The following ZNRF3 variants were observed in gnomAD, a reference collection of about 807,000 sequenced individuals.
ZNRF3 encodes E3 ubiquitin-protein ligase ZNRF3.
A neutral mutation model predicts 72.5 loss-of-function variants in ZNRF3; 23 were observed. That is an observed-to-expected ratio of 0.32 (90% CI 0.23 to 0.45). The LOEUF (loss-of-function observed/expected upper bound fraction) is 0.45, where lower values mean the gene tolerates loss of function less well. Among genes scored for constraint, ZNRF3 ranks in the 20% least tolerant of loss-of-function variants. ZNRF3 has a pLI of 1.00. For synonymous variants in ZNRF3, 610 were observed against 545.3 expected (o/e 1.12, Z -1.65); for missense variants, 1,169 against 1,272.1 (o/e 0.92, Z 1.23).
rs1479399801 is a variant in ZNRF3 at position 29,055,065 on chromosome 22, G to A, written c.*1443G>A. On this transcript the variant is annotated 3_prime_UTR_variant, in exon 9 of 9. Coordinates refer to ENST00000544604, the MANE Select transcript of ZNRF3 (RefSeq NM_001206998.2). ...TCCAGCCTTTTTTATTAAGGGGAAG[G>A]GGAGAGTTTAAAAACCCAAACCGTT... is the stretch of plus-strand genomic sequence containing the variant. 1 of 152,722 alleles carries A rather than the reference G, an allele frequency of 6.5e-6. No individual in the cohort carries two copies. Among genetic ancestry groups the A allele is most frequent in the Non-Finnish European group, 1.5e-5 (1 of 68,060 alleles). The allele number at this position is 152,722 out of a possible 1,614,324, so 9.5% of individuals were successfully genotyped here.
At chr22:28,963,791 C>G (rs2035409072) in intron 1 of ZNRF3, among the ~76,000 whole-genome samples, 1 of 152,104 alleles carries the variant, frequency 6.6e-6, no homozygotes, top group Non-Finnish European at 1.5e-5. Flanking sequence ...AGTTGCTGCT[C>G]AAAGAAGAGT....
At chr22:28,986,732 T>TA in intron 1 of ZNRF3, 1 of 802,294 alleles carries the variant, frequency 1.2e-6, no homozygotes, top group Non-Finnish European at 1.5e-6. Context: ...TACTTAGTGT[T>TA]AAATTTATGG....
At chr22:29,037,503 AG>A in intron 2 of ZNRF3, among the ~76,000 whole-genome samples, 1 of 152,338 alleles carries the variant, frequency 6.6e-6, no homozygotes, top group Non-Finnish European at 1.5e-5. Context: ...GTATGGTACC[AG>A]GCAAGCTTGC....
intron 1 of ZNRF3, among the ~76,000 whole-genome samples, chr22:28,972,372 A>G (rs1478454307): frequency 6.6e-6 from 1 of 152,210 alleles, no homozygotes; most frequent in Non-Finnish European, 1.5e-5. Flanking sequence ...TAAGATGTGG[A>G]CTTTTGTGAC....
chr22:29,042,412 G>T (rs1289105908), intron 2 of ZNRF3, 83 bp from the exon 3 acceptor site: 4 of 1,144,572 alleles, frequency 3.5e-6, no homozygotes, highest in Non-Finnish European at 2.6e-6. Context: ...TTCTGCATTT[G>T]ATTACAGGCC....
chr22:28,999,891 G>A (rs16986946), intron 2 of ZNRF3, among the ~76,000 whole-genome samples: 3,282 of 152,300 alleles, frequency 0.022, 124 homozygotes, highest in African/African-American at 0.076. Flanking sequence ...AAAGGGGACG[G>A]CAGAGAAAGC....
At chr22:28,899,321 A>C (rs1169754546) in intron 1 of ZNRF3, among the ~76,000 whole-genome samples, 1 of 152,194 alleles carries the variant, frequency 6.6e-6, no homozygotes, top group Non-Finnish European at 1.5e-5. Flanking sequence ...GTAAGTTTTC[A>C]CATTTAATGA....
chr22:28,891,544 A>G (rs1341517922), intron 1 of ZNRF3, among the ~76,000 whole-genome samples: 1 of 152,266 alleles, frequency 6.6e-6, no homozygotes, highest in Non-Finnish European at 1.5e-5. Flanking sequence ...TTTAACAGAC[A>G]AGGTAGATGG....
At chr22:28,998,600 C>T (rs970564690) in intron 2 of ZNRF3, among the ~76,000 whole-genome samples, 4 of 152,158 alleles carry the variant, frequency 2.6e-5, no homozygotes, top group African/African-American at 9.7e-5. Context: ...AAGTTTTCTT[C>T]TAAGGTCATA....
rs2037117793 is a variant in ZNRF3, at chr22:29,048,527, C to CA, written c.1015+38dup. ...CCCGCCTTAGCCATTGCTGAAGAGT[C>CA]AAGTGCCTAGCTAGAGTGTGACACA... On this transcript the variant is annotated intron_variant, in intron 7 of 8. Coordinates refer to ENST00000544604, the MANE Select transcript of ZNRF3 (RefSeq NM_001206998.2). The surrounding 1 kb of genome is among the most constrained non-coding windows in gnomAD (Gnocchi z 4.9). 6.3e-7 allele frequency: 1 copy of CA among 1,596,700 alleles called. No homozygotes were observed. Among genetic ancestry groups the CA allele is most frequent in the Non-Finnish European group, 8.6e-7 (1 of 1,164,390 alleles).
At chr22:28,920,145 TG>T (rs2034484266) in intron 1 of ZNRF3, among the ~76,000 whole-genome samples, 1 of 152,000 alleles carries the variant, frequency 6.6e-6, no homozygotes, top group South Asian at 2.1e-4. Context: ...ATTTTTTTTT[TG>T]GTAGAAACGG....
At chr22:28,923,015 A>G (rs933006516) in intron 1 of ZNRF3, among the ~76,000 whole-genome samples, 2 of 152,136 alleles carry the variant, frequency 1.3e-5, no homozygotes, top group African/African-American at 4.8e-5. Flanking sequence ...GCCTTGTGAC[A>G]TAGCCCCAGG....
At chr22:28,945,286 T>C (rs2035033400) in intron 1 of ZNRF3, among the ~76,000 whole-genome samples, 2 of 152,230 alleles carry the variant, frequency 1.3e-5, no homozygotes, top group Non-Finnish European at 2.9e-5. Context: ...TTTTTGTTCT[T>C]ATAGTAGAGT....
Position 28,996,627 on chromosome 22 carries a change from A to G in ZNRF3, c.426+9426A>G, listed in dbSNP as rs80148209. On this transcript the variant is annotated intron_variant, in intron 2 of 8. Transcript: ENST00000544604. ...AAACTAGAGGACAATACAGGGAGTAAAGGTGAACTATTCTGTTCTGCAGTA... is the reference window on the plus strand; with the variant it reads ...AAACTAGAGGACAATACAGGGAGTAGAGGTGAACTATTCTGTTCTGCAGTA... Among the ~76,000 whole-genome samples the G allele has an allele frequency of 7.2e-3, 1,104 of 152,322 alleles. 17 individuals are homozygous for G. The highest frequency in any genetic ancestry group is 0.026 in the African/African-American group (1,064 of 41,576).
chr22:28,936,996 A>T (rs1464021965), intron 1 of ZNRF3, among the ~76,000 whole-genome samples: 3 of 151,892 alleles, frequency 2.0e-5, no homozygotes, highest in African/African-American at 7.3e-5. Context: ...CACCTCATTC[A>T]TCTGAGCTGC....
chr22:28,998,128 G>A (rs772805624), intron 2 of ZNRF3, among the ~76,000 whole-genome samples: 20 of 151,290 alleles, frequency 1.3e-4, no homozygotes, highest in Admixed American at 3.3e-4. Flanking sequence ...GTGAAATCTC[G>A]TCTCTAGTAA....
At chr22:29,040,186 C>G (rs566223294) in intron 2 of ZNRF3, among the ~76,000 whole-genome samples, 81 of 145,920 alleles carry the variant, frequency 5.6e-4, no homozygotes, top group Middle Eastern at 3.5e-3. Context: ...CCCCCTCCCC[C>G]TTTTTTTTTT....
Position 29,043,282 on chromosome 22 carries a change from C to T in ZNRF3, c.502-17C>T, listed in dbSNP as rs1393830911. ...AGTAAGCGCACCTTTTAACCAGAGCCCTCTCTTCTTCCTTAGCTGAACCAG... is the reference window on the plus strand; with the variant it reads ...AGTAAGCGCACCTTTTAACCAGAGCTCTCTCTTCTTCCTTAGCTGAACCAG... On this transcript the variant is annotated splice_polypyrimidine_tract_variant and intron_variant, in intron 3 of 8. Transcript: ENST00000544604. The T allele has an allele frequency of 6.2e-7, 1 of 1,612,194 alleles. No individual in the cohort carries two copies. The highest frequency in any genetic ancestry group is 1.3e-5 in the African/African-American group (1 of 74,792).
chr22:28,904,703 C>T (rs1219105656), intron 1 of ZNRF3, among the ~76,000 whole-genome samples: 2 of 152,026 alleles, frequency 1.3e-5, no homozygotes, highest in Non-Finnish European at 2.9e-5. Context: ...GCAGCTTTGG[C>T]GAAGGCTGTC....
Sources: allele counts gnomAD v4.1 joint callset (sites outside exome capture counted in the v4.1 genomes callset), GRCh38; gene constraint gnomAD v4.1.1; non-coding constraint Gnocchi (gnomAD v3.1); transcripts MANE v1.5; gene names NCBI Gene and HGNC (gene_info 2026-07-23, HGNC 2026-07-21).